MROH2A: variants seen among roughly 807,000 people sequenced by gnomAD.
The protein encoded by MROH2A is maestro heat-like repeat-containing protein family member 2A.
In MROH2A, 174 loss-of-function variants were observed where a neutral mutation model predicts 200.4. That is an observed-to-expected ratio of 0.87 (90% CI 0.77 to 0.98). MROH2A has a LOEUF of 0.98. Ranked by LOEUF, MROH2A falls within the 50% of genes least tolerant of loss-of-function variation. MROH2A has a pLI of 0.00. For missense variants in MROH2A, 2,045 were observed against 2,139.6 expected (o/e 0.96, Z 0.87); for synonymous variants, 829 against 840.4 (o/e 0.99, Z 0.23).
Position 233,820,064 on chromosome 2 carries a change from C to T in MROH2A, c.3512+8C>T. ...GCCACTGCCCATGGAGAGGTGGGTG[C>T]CCTGGAGGAGGTGGCCCCGGCCTCC... is the stretch of plus-strand genomic sequence containing the variant. On this transcript the variant is annotated splice_region_variant and intron_variant, in intron 31 of 41. Coordinates refer to ENST00000389758, the MANE Select transcript of MROH2A (RefSeq NM_001394639.1). This position sits in a 1 kb window ranked among gnomAD's most constrained non-coding sequence, Gnocchi z 4.1. 6.6e-7 allele frequency: 1 copy of T among 1,503,830 alleles called. No homozygotes were observed. Among genetic ancestry groups the T allele is most frequent in the Non-Finnish European group, 8.9e-7 (1 of 1,118,292 alleles). 93.2% of individuals were successfully genotyped at this position (1,503,830 alleles called of 1,614,324 possible).
intron 31 of MROH2A, among the ~76,000 whole-genome samples, chr2:233,821,826 G>A (rs967982246): frequency 3.3e-5 from 5 of 152,064 alleles, no homozygotes; most frequent in Admixed American, 6.5e-5. Flanking sequence ...GGACATGTCC[G>A]TACAGTCATC....
intron 11 of MROH2A, among the ~76,000 whole-genome samples, chr2:233,797,545 C>T (rs149334162): frequency 0.014 from 2,058 of 152,148 alleles, 41 homozygotes; most frequent in Admixed American, 0.045. Flanking sequence ...AGCAATACAA[C>T]GTGGGGCAGT....
At chr2:233,794,137 T>A (rs1701956102) in intron 7 of MROH2A, among the ~76,000 whole-genome samples, 1 of 152,164 alleles carries the variant, frequency 6.6e-6, no homozygotes. Flanking sequence ...TAGGACTAGT[T>A]GACAAATGAG....
At chr2:233,808,780 T>C (rs1177112712) in intron 21 of MROH2A, among the ~76,000 whole-genome samples, 2 of 152,148 alleles carry the variant, frequency 1.3e-5, no homozygotes, top group East Asian at 3.9e-4. Context: ...AGCCGGTGCC[T>C]GGTAGGTGAA....
rs1235592978 is a variant in MROH2A, at chr2:233,823,636, G to A, written c.4085G>A (p.Ser1362Asn). The change falls in exon 35 of 42, where the codon AGC becomes AAC. Residue 1362 changes from serine (S) to asparagine (N), a missense_variant. By Grantham distance (46) the Ser-to-Asn change is conservative. Transcript: ENST00000389758. Reference protein sequence around the residue: ...VLRGMDSEVLSCRISSTAVCF... With the variant: ...VLRGMDSEVLNCRISSTAVCF... ...AGGGGCATGGACTCAGAAGTCCTGAGCTGCCGCATCAGCAGCACAGCGGTC... is the reference window on the plus strand; with the variant it reads ...AGGGGCATGGACTCAGAAGTCCTGAACTGCCGCATCAGCAGCACAGCGGTC... The A allele has an allele frequency of 1.3e-6, 2 of 1,550,530 alleles. No homozygotes were observed. The highest frequency in any genetic ancestry group is 3.9e-5 in the Admixed American group (2 of 51,014).
chr2:233,780,181 G>C (rs1700881729), intron 3 of MROH2A, among the ~76,000 whole-genome samples: 1 of 152,250 alleles, frequency 6.6e-6, no homozygotes, highest in Admixed American at 6.5e-5. Flanking sequence ...CTAGTGGGGA[G>C]ATGCCTAGCT....
chr2:233,804,431 A>T lies in MROH2A; in HGVS notation c.1892-64A>T, dbSNP rs1702664477. 3 of 1,521,824 alleles carry T rather than the reference A, an allele frequency of 2.0e-6. No individual in the cohort carries two copies. The African/African-American group carries it at 4.1e-5, about 21-fold the overall frequency. The allele number at this position is 1,521,824 out of a possible 1,614,324, so 94.3% of individuals were successfully genotyped here. A position where few individuals can be genotyped will look rare whatever the true frequency, so the allele number is the denominator to read the frequency against. ...CGCTAAGGAGGCATAGAGGGCCTTG[A>T]ATACCAGGCTTAGGGGAGCAGTGGA... On this transcript the variant is annotated intron_variant, in intron 17 of 41. Coordinates refer to ENST00000389758, the MANE Select transcript of MROH2A (RefSeq NM_001394639.1).
At position 233,820,019 on chromosome 2, in the gene MROH2A, C is replaced by T. The variant is rs893588175; in HGVS notation, c.3475C>T (p.Leu1159Phe). 147 of 1,543,788 alleles carry T rather than the reference C, an allele frequency of 9.5e-5. No homozygotes were observed. In the East Asian group the frequency reaches 3.5e-3, roughly 37 times the overall value. Residue 1159 changes from leucine (L) to phenylalanine (F), a missense_variant, in exon 31 of 42, where the codon CTC (leucine) becomes TTC (phenylalanine). Leu to Phe is a conservative substitution (Grantham distance 22). Transcript: ENST00000389758. This position sits in a 1 kb window ranked among gnomAD's most constrained non-coding sequence, Gnocchi z 4.1. Reference protein sequence around the residue: ...LLAHHHQETILTSLLRQPLPM... With the variant: ...LLAHHHQETIFTSLLRQPLPM... ...GGCGCACCACCACCAGGAGACCATC[C>T]TCACATCGCTCCTGAGGCAGCCACT... is the stretch of plus-strand genomic sequence containing the variant.
chr2:233,784,517 C>A (rs1035724645), intron 3 of MROH2A, among the ~76,000 whole-genome samples: 18 of 152,146 alleles, frequency 1.2e-4, no homozygotes, highest in African/African-American at 4.3e-4. Context: ...GAAATGTGAC[C>A]TCAGAGTTGG....
At chr2:233,803,383 G>C (rs933848638) in intron 15 of MROH2A, 65 bp from the exon 16 acceptor site, 1 of 1,526,450 alleles carries the variant, frequency 6.6e-7, no homozygotes, top group South Asian at 1.2e-5. Context: ...CCTAGATGGG[G>C]ACATAGGAGC....
rs1703828536 is a variant in MROH2A, at chr2:233,820,004, C to G, written c.3460C>G (p.His1154Asp). The change falls in exon 31 of 42, where the codon CAC becomes GAC. Residue 1154 changes from histidine (H) to aspartate (D), a missense_variant. Physicochemically the swap from His to Asp is moderately conservative, Grantham distance 81. Coordinates refer to ENST00000389758, the MANE Select transcript of MROH2A (RefSeq NM_001394639.1). This position sits in a 1 kb window ranked among gnomAD's most constrained non-coding sequence, Gnocchi z 4.1. ...IDGILLLAHH[H>D]QETILTSLLR... Reference sequence around the variant, plus strand: ...CGGCATCCTGCTGCTGGCGCACCACCACCAGGAGACCATCCTCACATCGCT... The same window carrying G: ...CGGCATCCTGCTGCTGGCGCACCACGACCAGGAGACCATCCTCACATCGCT... 2.5e-5 allele frequency: 38 copies of G among 1,545,884 alleles called. No homozygotes were observed. Among genetic ancestry groups the G allele is most frequent in the Non-Finnish European group, 3.1e-5 (35 of 1,143,698 alleles).
At chr2:233,783,148 G>A (rs911972392) in intron 3 of MROH2A, among the ~76,000 whole-genome samples, 1 of 152,104 alleles carries the variant, frequency 6.6e-6, no homozygotes, top group African/African-American at 2.4e-5. Flanking sequence ...CTGCATCTAT[G>A]TTCATCACAG....
intron 21 of MROH2A, among the ~76,000 whole-genome samples, chr2:233,808,356 T>G (rs1296578413): frequency 6.6e-6 from 1 of 152,042 alleles, no homozygotes; most frequent in Non-Finnish European, 1.5e-5. Flanking sequence ...GTGAAGCCAG[T>G]ATTTGGACCC....
intron 7 of MROH2A, 119 bp from the exon 8 acceptor site, chr2:233,794,244 G>T: frequency 1.4e-6 from 1 of 740,158 alleles, no homozygotes. Flanking sequence ...GAAAGACCTT[G>T]CTCTGCTTCT....
chr2:233,808,204 G>A (rs1231676228), intron 21 of MROH2A, among the ~76,000 whole-genome samples: 1 of 152,144 alleles, frequency 6.6e-6, no homozygotes, highest in Non-Finnish European at 1.5e-5. Context: ...ATTTGAAGAA[G>A]CTGTTCAGGT....
At chr2:233,817,000 G>A in intron 27 of MROH2A, 115 bp downstream of exon 27, 1 of 665,830 alleles carries the variant, frequency 1.5e-6, no homozygotes, top group Non-Finnish European at 2.6e-6. Flanking sequence ...TCCCCAGAGG[G>A]CCCCTTGGGA....
Position 233,809,209 on chromosome 2 carries a change from G to T in MROH2A, c.2379G>T (p.Gln793His). 6.4e-7 allele frequency: 1 copy of T among 1,550,550 alleles called. No homozygotes were observed. Among genetic ancestry groups the T allele is most frequent in the Non-Finnish European group, 8.7e-7 (1 of 1,146,984 alleles). Reference protein sequence around the residue: ...YSCVASYCHPQLLLNLVDSPI... With the variant: ...YSCVASYCHPHLLLNLVDSPI... ...GCGTGGCCTCCTACTGCCACCCCCA[G>T]TTGCTCCTCAACCTCGTGGACAGCC... The change falls in exon 22 of 42, where the codon CAG becomes CAT. Residue 793 changes from glutamine to histidine, a missense_variant. Physicochemically the swap from Gln to His is conservative, Grantham distance 24 (BLOSUM62 0). Transcript: ENST00000389758.
chr2:233,814,601 T>G lies in MROH2A; in HGVS notation c.2780T>G (p.Leu927Arg). 1 of 1,550,396 alleles carries G rather than the reference T, an allele frequency of 6.4e-7. No individual in the cohort carries two copies. The highest frequency in any genetic ancestry group is 1.2e-5 in the South Asian group (1 of 84,038). Residue 927 changes from leucine to arginine, a missense_variant, in exon 26 of 42, where the codon CTG becomes CGG. This residue lies in a region of MROH2A where 1,201 missense variants were observed against 1,311.3 expected (regional missense o/e 0.92). Coordinates refer to ENST00000389758, the MANE Select transcript of MROH2A (RefSeq NM_001394639.1). The part of the protein sequence containing the change: ...ESIKTLYANA[L>R]SSLEQLMESL... ...CTGTAGACCCTGTATGCAAATGCCCTGAGCTCCCTGGAGCAGCTGATGGAG... is the reference window on the plus strand; with the variant it reads ...CTGTAGACCCTGTATGCAAATGCCCGGAGCTCCCTGGAGCAGCTGATGGAG...
chr2:233,814,665 G>A lies in MROH2A; in HGVS notation c.2844G>A (p.Gln948=). ...GGCAGCTGGACCCCAAGGGGCTGCA[G>A]GAGATGGTGCAGGTGAGTTGCCTGG... ...LQRQLDPKGL[Q]EMVQLLEKWI... The change falls in exon 26 of 42, where the codon CAG becomes CAA. Residue 948 remains glutamine (Q), a synonymous_variant. Coordinates refer to ENST00000389758, the MANE Select transcript of MROH2A (RefSeq NM_001394639.1). 6.5e-7 allele frequency: 1 copy of A among 1,550,276 alleles called. No homozygotes were observed. The highest frequency in any genetic ancestry group is 8.7e-7 in the Non-Finnish European group (1 of 1,146,782).
Sources: gnomAD v4.1 joint callset for allele counts (sites outside exome capture counted in the v4.1 genomes callset) on GRCh38, gnomAD v4.1.1 for gene constraint, gnomAD v4.1.1 regional missense constraint, Gnocchi (gnomAD v3.1) non-coding constraint, MANE v1.5 for transcripts, NCBI Gene and HGNC (gene_info 2026-07-23, HGNC 2026-07-21) for gene names.